NAP1L4: variants seen among roughly 807,000 people sequenced by gnomAD.
NAP1L4 encodes nucleosome assembly protein 1 like 4.
A neutral mutation model predicts 58.2 loss-of-function variants in NAP1L4; 15 were observed. That is an observed-to-expected ratio of 0.26 (90% confidence interval 0.17 to 0.40). The LOEUF (loss-of-function observed/expected upper bound fraction) is 0.40, where lower values mean the gene tolerates loss of function less well. Ranked by LOEUF, NAP1L4 falls within the 10% of genes least tolerant of loss-of-function variation. The pLI, the probability that NAP1L4 is intolerant of heterozygous loss-of-function variation, is 1.00. For missense variants in NAP1L4, 384 were observed against 451.1 expected (o/e 0.85, Z 1.35); for synonymous variants, 171 against 155.6 (o/e 1.10, Z -0.74).
chr11:2,945,582 GTCTGC>G lies in NAP1L4; in HGVS notation c.*92_*96del. ...CACAGGCCTGGAGTCCCGACAGCCGGTCTGCCAGGCACCCGCCTCCGCTTCCTACT... is the reference window on the plus strand; with the variant it reads ...CACAGGCCTGGAGTCCCGACAGCCGGCAGGCACCCGCCTCCGCTTCCTACT... On this transcript the variant is annotated 3_prime_UTR_variant, in exon 16 of 16. Transcript: ENST00000380542. 6.5e-7 allele frequency: 1 copy of G among 1,535,436 alleles called. No individual in the cohort carries two copies. Among genetic ancestry groups the G allele is most frequent in the Non-Finnish European group, 8.7e-7 (1 of 1,146,330 alleles).
chr11:2,947,013 G>C (rs1845973874), intron 15 of NAP1L4, among the ~76,000 whole-genome samples: 1 of 152,208 alleles, frequency 6.6e-6, no homozygotes, highest in Admixed American at 6.5e-5. Context: ...CAGGGACGGG[G>C]AAGACTGGGG....
intron 7 of NAP1L4, among the ~76,000 whole-genome samples, chr11:2,966,509 G>A (rs995711015): frequency 6.6e-6 from 1 of 152,158 alleles, no homozygotes; most frequent in Non-Finnish European, 1.5e-5. Context: ...GCTCCCACAT[G>A]AGTGTGAACG....
At chr11:2,979,878 A>G (rs1848204676) in intron 1 of NAP1L4, among the ~76,000 whole-genome samples, 1 of 152,222 alleles carries the variant, frequency 6.6e-6, no homozygotes, top group African/African-American at 2.4e-5. Flanking sequence ...TACATTCGGC[A>G]ACACAAACAT....
At chr11:2,961,124 A>AT (rs1846873933) in intron 8 of NAP1L4, among the ~76,000 whole-genome samples, 2 of 106,130 alleles carry the variant, frequency 1.9e-5, no homozygotes, top group African/African-American at 3.1e-5. Context: ...AAAACCATCA[A>AT]CGGGGGGGAA....
chr11:2,964,816 G>T, intron 7 of NAP1L4, 65 bp from the exon 8 acceptor site: 1 of 1,234,300 alleles, frequency 8.1e-7, no homozygotes, highest in Non-Finnish European at 1.2e-6. Flanking sequence ...CTCCCGAAGA[G>T]TCATGGTTGC....
Position 2,955,839 on chromosome 11 carries a change from G to A in NAP1L4, c.893-73C>T. 2.9e-6 allele frequency: 4 copies of A among 1,366,940 alleles called. 1 individual carries two copies. Among genetic ancestry groups the A allele is most frequent in the South Asian group, 2.4e-5 (2 of 84,174 alleles). 84.7% of individuals were successfully genotyped at this position (1,366,940 alleles called of 1,614,324 possible). On this transcript the variant is annotated intron_variant, in intron 10 of 15. Transcript: ENST00000380542. The surrounding 1 kb of genome is among the most constrained non-coding windows in gnomAD (Gnocchi z 4.2). Reference sequence around the variant, plus strand: ...CAGAATTTTAAAGCCCACACAGGAGGAAGCTGTGCTGGTAGATAAAATGTA... The same window carrying A: ...CAGAATTTTAAAGCCCACACAGGAGAAAGCTGTGCTGGTAGATAAAATGTA...
In NAP1L4 at chr11:2,944,809, A is replaced by C. The variant is rs1374024593; in HGVS notation, c.*870T>G. The C allele has an allele frequency of 1.3e-5, 2 of 152,238 alleles. No individual in the cohort carries two copies. The highest frequency in any genetic ancestry group is 4.8e-5 in the African/African-American group (2 of 41,468). The allele number at this position is 152,238 out of a possible 1,614,324, so 9.4% of individuals were successfully genotyped here. A position where few individuals can be genotyped will look rare whatever the true frequency, so the allele number is the denominator to read the frequency against. On this transcript the variant is annotated 3_prime_UTR_variant, in exon 16 of 16. Coordinates refer to ENST00000380542, the MANE Select transcript of NAP1L4 (RefSeq NM_005969.4). ...GCAGCAGGGTGGCGCCTGCGTCATG[A>C]GGACGGGCTCGCATCTTCAGCCCTG...
At chr11:2,991,208 G>T in intron 1 of NAP1L4, 1 of 450,012 alleles carries the variant, frequency 2.2e-6, no homozygotes, top group Non-Finnish European at 4.5e-6. Context: ...CCCTTTACTG[G>T]ACCCTAAACA....
intron 7 of NAP1L4, among the ~76,000 whole-genome samples, chr11:2,966,508 T>C (rs1429123787): frequency 6.6e-6 from 1 of 152,214 alleles, no homozygotes; most frequent in East Asian, 1.9e-4. Context: ...AGCTCCCACA[T>C]GAGTGTGAAC....
At chr11:2,972,069 C>T (rs1847669469) in intron 5 of NAP1L4, 33 bp downstream of exon 5, 3 of 1,501,208 alleles carry the variant, frequency 2.0e-6, no homozygotes, top group Admixed American at 2.5e-5. Context: ...AAGCTGAAAA[C>T]TATCTGTATA....
At chr11:2,987,070 T>G (rs1207028927) in intron 1 of NAP1L4, among the ~76,000 whole-genome samples, 1 of 152,004 alleles carries the variant, frequency 6.6e-6, no homozygotes, top group Non-Finnish European at 1.5e-5. Flanking sequence ...GATTAGGACA[T>G]CAGAAAGGAC....
At chr11:2,978,139 T>G (rs1321293335) in intron 3 of NAP1L4, 145 bp downstream of exon 3, 4 of 687,872 alleles carry the variant, frequency 5.8e-6, no homozygotes, top group African/African-American at 5.4e-5. Flanking sequence ...CTTTTGTTAA[T>G]GAGATACTGA....
intron 4 of NAP1L4, among the ~76,000 whole-genome samples, chr11:2,975,451 A>G: frequency 6.6e-6 from 1 of 152,120 alleles, no homozygotes; most frequent in Non-Finnish European, 1.5e-5. Flanking sequence ...CAAAGGTGTC[A>G]GCCAGGCACG....
chr11:2,968,988 G>GTTTTTTT (rs61176259), intron 7 of NAP1L4, among the ~76,000 whole-genome samples: 1 of 113,580 alleles, frequency 8.8e-6, no homozygotes. Flanking sequence ...TTGTTGTGTT[G>GTTTTTTT]TTTTTTTTTT....
At chr11:2,969,641 G>T (rs1191494093) in intron 7 of NAP1L4, among the ~76,000 whole-genome samples, 162 bp downstream of exon 7, 2 of 152,108 alleles carry the variant, frequency 1.3e-5, no homozygotes, top group African/African-American at 4.8e-5. Flanking sequence ...ACCATTCACT[G>T]TGAGATCAGG....
At chr11:2,952,054 G>A (rs1241831699) in intron 12 of NAP1L4, 9 of 591,558 alleles carry the variant, frequency 1.5e-5, no homozygotes, top group Admixed American at 1.2e-4. Context: ...CAGCCAGGGT[G>A]TACCCTGGAC....
chr11:2,978,270 T>C lies in NAP1L4; in HGVS notation c.73+14A>G, dbSNP rs754451787. On this transcript the variant is annotated intron_variant, in intron 3 of 15. Coordinates refer to ENST00000380542, the MANE Select transcript of NAP1L4 (RefSeq NM_005969.4). ...CCATACTGGATGCAAACTCTCCATG[T>C]GCAGTGGACTGACCTGTGTTACTTG... 26 of 1,612,876 alleles carry C rather than the reference T, an allele frequency of 1.6e-5. No individual in the cohort carries two copies. Among genetic ancestry groups the C allele is most frequent in the Non-Finnish European group, 2.2e-5 (26 of 1,179,360 alleles).
At chr11:2,992,056 G>A (rs1223121506) in intron 1 of NAP1L4, 198 bp downstream of exon 1, 1 of 151,852 alleles carries the variant, frequency 6.6e-6, no homozygotes, top group Non-Finnish European at 1.5e-5. Context: ...CGGGCTCCAG[G>A]CCCCAAGCCC....
intron 7 of NAP1L4, among the ~76,000 whole-genome samples, chr11:2,968,912 C>G (rs915835335): frequency 3.3e-5 from 5 of 151,980 alleles, no homozygotes; most frequent in African/African-American, 1.2e-4. Flanking sequence ...TTAATTTGTT[C>G]ACCATTTCAC....
Sources: allele counts gnomAD v4.1 joint callset (sites outside exome capture counted in the v4.1 genomes callset), GRCh38; gene constraint gnomAD v4.1.1; non-coding constraint Gnocchi (gnomAD v3.1); transcripts MANE v1.5; gene names NCBI Gene and HGNC (gene_info 2026-07-23, HGNC 2026-07-21).